TNKS1BP1: variants seen among roughly 807,000 people sequenced by gnomAD.
TNKS1BP1 encodes 182 kDa tankyrase-1-binding protein.
Under a neutral mutation model 141.1 loss-of-function variants are expected in TNKS1BP1, and 48 were observed. That is an observed-to-expected ratio of 0.34 (90% CI 0.27 to 0.43). The LOEUF is 0.43. TNKS1BP1 is among the 20% of genes least tolerant of loss of function. TNKS1BP1 has a pLI of 1.00. For missense variants in TNKS1BP1, 2,149 were observed against 2,226.0 expected (o/e 0.97, Z 0.70); for synonymous variants, 875 against 898.2 (o/e 0.97, Z 0.46).
At chr11:57,304,464 CAG>C (rs1227452759) in intron 6 of TNKS1BP1, among the ~76,000 whole-genome samples, 1 of 152,166 alleles carries the variant, frequency 6.6e-6, no homozygotes, top group Non-Finnish European at 1.5e-5. Flanking sequence ...AGCTTAAAAT[CAG>C]GGAGAATTTG....
At position 57,308,857 on chromosome 11, in the gene TNKS1BP1, A is replaced by T. The variant is rs370540760; in HGVS notation, c.3854T>A (p.Leu1285His). The T allele has an allele frequency of 2.5e-5, 40 of 1,613,884 alleles. No individual in the cohort carries two copies. Among genetic ancestry groups the T allele is most frequent in the Non-Finnish European group, 3.4e-5 (40 of 1,180,014 alleles). ...GVGQADWTPD[L>H]GLRNMAPGAV... Reference sequence around the variant, plus strand: ...CCCTGGGGCCATGTTTCTCAGCCCAAGGTCAGGTGTCCAGTCTGCCTGTCC... The same window carrying T: ...CCCTGGGGCCATGTTTCTCAGCCCATGGTCAGGTGTCCAGTCTGCCTGTCC... Residue 1285 changes from leucine to histidine, a missense_variant, in exon 6 of 12, where the codon CTT (leucine) becomes CAT (histidine). By Grantham distance (99) the Leu-to-His change is moderately conservative. Coordinates refer to ENST00000358252, the MANE Select transcript of TNKS1BP1 (RefSeq NM_033396.3).
chr11:57,312,673 G>T lies in TNKS1BP1; in HGVS notation c.2015C>A (p.Ser672Tyr). The T allele has an allele frequency of 6.3e-7, 1 of 1,583,872 alleles. No individual in the cohort carries two copies. The highest frequency in any genetic ancestry group is 8.6e-7 in the Non-Finnish European group (1 of 1,165,490). ...GCTTTCAGGGCCTGGAGGCTCGGGGGATGCCCTACACAAGTCTTGAGCCTC... is the reference window on the plus strand; with the variant it reads ...GCTTTCAGGGCCTGGAGGCTCGGGGTATGCCCTACACAAGTCTTGAGCCTC... ...RTEAQDLCRA[S>Y]PEPPGPESSS... Residue 672 changes from serine (S) to tyrosine (Y), a missense_variant, in exon 5 of 12, where the codon TCC (serine) becomes TAC (tyrosine). Transcript: ENST00000358252.
chr11:57,308,622 C>T lies in TNKS1BP1; in HGVS notation c.4089G>A (p.Arg1363=). Residue 1363 remains arginine (R), a synonymous_variant, in exon 6 of 12, where the codon AGG becomes AGA. Transcript: ENST00000358252. ...VELFGAPSEA[R]EHGVGGVSQC... is the part of the protein sequence containing the mutation. ...GGCTCACCCCGCCCACCCCATGCTCCCTGGCTTCACTTGGAGCCCCAAAGA... is the reference window on the plus strand; with the variant it reads ...GGCTCACCCCGCCCACCCCATGCTCTCTGGCTTCACTTGGAGCCCCAAAGA... 6.2e-7 allele frequency: 1 copy of T among 1,613,766 alleles called. No individual in the cohort carries two copies. The highest frequency in any genetic ancestry group is 8.5e-7 in the Non-Finnish European group (1 of 1,179,990).
chr11:57,313,732 T>C lies in TNKS1BP1; in HGVS notation c.956A>G (p.Glu319Gly). 1 of 1,597,536 alleles carries C rather than the reference T, an allele frequency of 6.3e-7. No individual in the cohort carries two copies. Among genetic ancestry groups the C allele is most frequent in the Admixed American group, 1.8e-5 (1 of 57,126 alleles). The change falls in exon 5 of 12, where the codon GAA becomes GGA. Residue 319 changes from glutamate (E) to glycine (G), a missense_variant. Physicochemically the swap from Glu to Gly is moderately conservative, Grantham distance 98. Coordinates refer to ENST00000358252, the MANE Select transcript of TNKS1BP1 (RefSeq NM_033396.3). ...KSSPCHSQLL[E>G]AQTPEASQAS... is the part of the protein sequence containing the mutation. ...CTGGGAAGCTTCAGGAGTCTGGGCT[T>C]CCAGAAGCTGTGAGTGGCAGGGAGA... is the stretch of plus-strand genomic sequence containing the variant.
chr11:57,309,169 G>A lies in TNKS1BP1; in HGVS notation c.3542C>T (p.Ser1181Leu), dbSNP rs150965312. 72 of 1,613,980 alleles carry A rather than the reference G, an allele frequency of 4.5e-5. No individual in the cohort carries two copies. In the Middle Eastern group the frequency reaches 4.9e-4, roughly 11 times the overall value. ...EVSSCVGSGGSSEARESAVGQ... is the reference protein window; with the variant it reads ...EVSSCVGSGGLSEARESAVGQ... ...CACGGCACTCTCCCTGGCCTCGCTC[G>A]AGCCCCCAGAACCCACACAGCTGGA... The change falls in exon 6 of 12, where the codon TCG becomes TTG. Residue 1181 changes from serine (S) to leucine (L), a missense_variant. Coordinates refer to ENST00000358252, the MANE Select transcript of TNKS1BP1 (RefSeq NM_033396.3). The surrounding 1 kb of genome is among the most constrained non-coding windows in gnomAD (Gnocchi z 4.3).
intron 4 of TNKS1BP1, among the ~76,000 whole-genome samples, chr11:57,314,822 C>T (rs887587358): frequency 2.0e-5 from 3 of 152,148 alleles, no homozygotes; most frequent in Non-Finnish European, 2.9e-5. Flanking sequence ...TCTCCCATGT[C>T]GTTAATTCTC....
intron 4 of TNKS1BP1, among the ~76,000 whole-genome samples, chr11:57,315,771 C>T (rs1855790214): frequency 6.6e-6 from 1 of 151,658 alleles, no homozygotes. Flanking sequence ...CACACACACA[C>T]ACCACCTACT....
chr11:57,322,707 G>T (rs985023919), intron 1 of TNKS1BP1, among the ~76,000 whole-genome samples: 1 of 152,160 alleles, frequency 6.6e-6, no homozygotes, highest in African/African-American at 2.4e-5. Context: ...AGGAGGAGCC[G>T]GCCCAGGCCT....
Position 57,313,623 on chromosome 11 carries a change from C to T in TNKS1BP1, c.1065G>A (p.Gly355=), listed in dbSNP as rs1404414736. Reference sequence around the variant, plus strand: ...CCTCTGGAGCCCCCTCGGCAGGGAGCCCCGGGCTGGGGGTGTGGCGGGAGC... The same window carrying T: ...CCTCTGGAGCCCCCTCGGCAGGGAGTCCCGGGCTGGGGGTGTGGCGGGAGC... ...DEGSRHTPSP[G]LPAEGAPEAP... Residue 355 remains glycine, a synonymous_variant, in exon 5 of 12, where the codon GGG becomes GGA. Coordinates refer to ENST00000358252, the MANE Select transcript of TNKS1BP1 (RefSeq NM_033396.3). 1.9e-6 allele frequency: 3 copies of T among 1,590,894 alleles called. No individual in the cohort carries two copies. Among genetic ancestry groups the T allele is most frequent in the Admixed American group, 1.8e-5 (1 of 55,968 alleles).
At chr11:57,305,797 C>G (rs962865299) in intron 6 of TNKS1BP1, among the ~76,000 whole-genome samples, 4 of 152,172 alleles carry the variant, frequency 2.6e-5, no homozygotes, top group Non-Finnish European at 4.4e-5. Flanking sequence ...GAGTAAGTTA[C>G]TCCCAACTTA....
rs1394560887 is a variant in TNKS1BP1, at chr11:57,302,611, G to A, written c.4531C>T (p.Pro1511Ser). Residue 1511 changes from proline (P) to serine (S), a missense_variant, in exon 7 of 12, where the codon CCT (proline) becomes TCT (serine). Transcript: ENST00000358252. The surrounding 1 kb of genome is among the most constrained non-coding windows in gnomAD (Gnocchi z 5.5). ...TCTGTCTGGCTGGCCTCACCATCAG[G>A]CTGCGGCCTCCAGGAGGGTGGAGAG... is the stretch of plus-strand genomic sequence containing the variant. ...RDSPPSWRPQ[P>S]DGEASQTEDV... 2 of 1,612,660 alleles carry A rather than the reference G, an allele frequency of 1.2e-6. No homozygotes were observed. Among genetic ancestry groups the A allele is most frequent in the African/African-American group, 1.3e-5 (1 of 75,034 alleles).
intron 4 of TNKS1BP1, 106 bp from the exon 5 acceptor site, chr11:57,313,995 A>C: frequency 7.7e-7 from 1 of 1,293,868 alleles, no homozygotes; most frequent in Non-Finnish European, 9.9e-7. Flanking sequence ...CCAGGCTGGG[A>C]GGAGGCAACT....
At chr11:57,317,967 AGTG>A in intron 3 of TNKS1BP1, 80 bp from the exon 4 acceptor site, 6 of 1,398,462 alleles carry the variant, frequency 4.3e-6, no homozygotes, top group Non-Finnish European at 6.1e-6. Flanking sequence ...AGAGTCTCCC[AGTG>A]CAACTTTAAC....
At chr11:57,324,776 G>A (rs1855942077) in intron 1 of TNKS1BP1, 64 bp downstream of exon 1, 1 of 983,646 alleles carries the variant, frequency 1.0e-6, no homozygotes, top group South Asian at 4.6e-5. Flanking sequence ...CTCCTTCCAT[G>A]CCCCTCCCCC....
chr11:57,313,497 C>A lies in TNKS1BP1; in HGVS notation c.1191G>T (p.Leu397Phe). The A allele has an allele frequency of 2.5e-6, 4 of 1,576,196 alleles. No homozygotes were observed. Among genetic ancestry groups the A allele is most frequent in the Non-Finnish European group, 2.6e-6 (3 of 1,159,934 alleles). The change falls in exon 5 of 12, where the codon TTG (leucine) becomes TTT (phenylalanine). Residue 397 changes from leucine to phenylalanine, a missense_variant. Physicochemically the swap from Leu to Phe is conservative, Grantham distance 22 (BLOSUM62 0). Transcript: ENST00000358252. ...ATGGAAACGTCCGAGTGAGATCCAG[C>A]AACTCACCCACCTCGATCAGGGGCC... ...SPRPLIEVGELLDLTRTFPSG... is the reference protein window; with the variant it reads ...SPRPLIEVGEFLDLTRTFPSG...
At chr11:57,305,573 A>G (rs947775757) in intron 6 of TNKS1BP1, among the ~76,000 whole-genome samples, 4 of 152,156 alleles carry the variant, frequency 2.6e-5, no homozygotes, top group Non-Finnish European at 4.4e-5. Context: ...GGGAGGGGTG[A>G]AGCTGGAAAG....
rs747487081 is a variant in TNKS1BP1 at position 57,321,870 on chromosome 11, G to T, written c.16C>A (p.Leu6Ile). The T allele has an allele frequency of 6.2e-7, 1 of 1,614,002 alleles. No homozygotes were observed. The highest frequency in any genetic ancestry group is 1.3e-5 in the African/African-American group (1 of 74,900). The part of the protein sequence containing the change: MKVST[L>I]RESSAMASPL... ...GAAGCCATGGCTGAGCTTTCCCTGAGAGTAGACACTTTCATCACATGCGGC... is the reference window on the plus strand; with the variant it reads ...GAAGCCATGGCTGAGCTTTCCCTGATAGTAGACACTTTCATCACATGCGGC... The change falls in exon 2 of 12, where the codon CTC becomes ATC. Residue 6 changes from leucine (L) to isoleucine (I), a missense_variant. By Grantham distance (5) the Leu-to-Ile change is conservative. Coordinates refer to ENST00000358252, the MANE Select transcript of TNKS1BP1 (RefSeq NM_033396.3).
intron 3 of TNKS1BP1, among the ~76,000 whole-genome samples, chr11:57,318,878 C>A (rs1387676659): frequency 6.6e-6 from 1 of 152,232 alleles, no homozygotes; most frequent in Non-Finnish European, 1.5e-5. Context: ...GGCGCAGTGG[C>A]TCACGCCTGT....
rs756158160 is a variant in TNKS1BP1 at position 57,312,752 on chromosome 11, C to T, written c.1936G>A (p.Val646Ile). The T allele has an allele frequency of 6.3e-7, 1 of 1,594,520 alleles. No homozygotes were observed. Among genetic ancestry groups the T allele is most frequent in the South Asian group, 1.1e-5 (1 of 88,080 alleles). ...DAPEPGQALP[V>I]EEEAVTLARA... is the part of the protein sequence containing the mutation. ...GCTAGGGTCACGGCCTCCTCCTCAA[C>T]AGGCAGTGCCTGTCCAGGCTCAGGG... Residue 646 changes from valine (V) to isoleucine (I), a missense_variant, in exon 5 of 12, where the codon GTT becomes ATT. Coordinates refer to ENST00000358252, the MANE Select transcript of TNKS1BP1 (RefSeq NM_033396.3).
Sources: allele counts gnomAD v4.1 joint callset (sites outside exome capture counted in the v4.1 genomes callset), GRCh38; gene constraint gnomAD v4.1.1; non-coding constraint Gnocchi (gnomAD v3.1); transcripts MANE v1.5; gene names NCBI Gene and HGNC (gene_info 2026-07-23, HGNC 2026-07-21).